DNAH9: variants seen among roughly 807,000 people sequenced by gnomAD.
DNAH9 encodes the protein DNAH9 variant protein.
In DNAH9, 345 loss-of-function variants were observed where a neutral mutation model predicts 471.6. The observed-to-expected ratio is 0.73, with a 90% CI of 0.67 to 0.80. The LOEUF is 0.80. DNAH9 is among the 30% of genes least tolerant of loss of function. DNAH9 has a pLI of 0.00. For synonymous variants in DNAH9, 2,093 were observed against 2,123.6 expected (o/e 0.99, Z 0.40); for missense variants, 5,407 against 5,609.2 (o/e 0.96, Z 1.15).
intron 57 of DNAH9, among the ~76,000 whole-genome samples, chr17:11,889,291 G>A (rs1427779340): frequency 3.3e-5 from 5 of 152,200 alleles, no homozygotes; most frequent in Non-Finnish European, 5.9e-5. Flanking sequence ...GTCTCAAATC[G>A]GAAGCCCAAG....
At chr17:11,732,571 A>G (rs1266659190) in intron 28 of DNAH9, among the ~76,000 whole-genome samples, 1 of 151,984 alleles carries the variant, frequency 6.6e-6, no homozygotes, top group Non-Finnish European at 1.5e-5. Flanking sequence ...TTGTCAGTGG[A>G]CATTCTCATG....
intron 1 of DNAH9, among the ~76,000 whole-genome samples, chr17:11,600,438 C>G (rs928367182): frequency 6.6e-6 from 1 of 152,112 alleles, no homozygotes; most frequent in Non-Finnish European, 1.5e-5. Flanking sequence ...ACAGAAGGCC[C>G]ATCTCAGAGT....
At position 11,909,158 on chromosome 17, in the gene DNAH9, T is replaced by C. The variant is rs535310016; in HGVS notation, c.11749+3349T>C. 4.1e-4 allele frequency among the ~76,000 whole-genome samples: 63 copies of C among 152,350 alleles called. 1 individual carries two copies. In the South Asian group the frequency reaches 0.01, roughly 25 times the overall value. ...CTACTTGAAACTATATAATATGTTA[T>C]TGTCAACTATAGTCTTGATGCTCTG... On this transcript the variant is annotated intron_variant, in intron 61 of 68. Coordinates refer to ENST00000262442, the MANE Select transcript of DNAH9 (RefSeq NM_001372.4).
intron 61 of DNAH9, among the ~76,000 whole-genome samples, chr17:11,918,148 G>A (rs1974014384): frequency 6.6e-6 from 1 of 151,980 alleles, no homozygotes; most frequent in South Asian, 2.1e-4. Flanking sequence ...CTTTGCTTTG[G>A]GTCTTGTTTT....
chr17:11,819,382 TTAACA>T (rs1970228250), intron 45 of DNAH9, among the ~76,000 whole-genome samples: 1 of 152,226 alleles, frequency 6.6e-6, no homozygotes. Context: ...TTGAATTATC[TTAACA>T]TAACTTATTA....
At chr17:11,711,003 A>T (rs556531600) in intron 26 of DNAH9, among the ~76,000 whole-genome samples, 1 of 152,248 alleles carries the variant, frequency 6.6e-6, no homozygotes, top group Non-Finnish European at 1.5e-5. Context: ...GCTTCTTCTG[A>T]ATGTTGACTT....
At chr17:11,931,582 T>C (rs181718157) in intron 63 of DNAH9, among the ~76,000 whole-genome samples, 22 of 152,236 alleles carry the variant, frequency 1.4e-4, no homozygotes, top group Non-Finnish European at 2.8e-4. Flanking sequence ...TTTTCCCAGC[T>C]TAACTCCCAG....
intron 45 of DNAH9, among the ~76,000 whole-genome samples, chr17:11,813,789 G>A (rs995044741): frequency 6.6e-6 from 1 of 152,090 alleles, no homozygotes; most frequent in African/African-American, 2.4e-5. Context: ...CTTCTGACAC[G>A]AACTACAGCA....
chr17:11,821,830 C>CTG (rs1970318438), intron 45 of DNAH9, 90 bp from the exon 46 acceptor site: 1 of 1,452,894 alleles, frequency 6.9e-7, no homozygotes, highest in Admixed American at 2.1e-5. Context: ...AACCACTGAC[C>CTG]TGTGTCCTAA....
At chr17:11,865,476 G>A (rs1005519127) in intron 50 of DNAH9, among the ~76,000 whole-genome samples, 20 of 152,100 alleles carry the variant, frequency 1.3e-4, no homozygotes, top group South Asian at 4.2e-4. Context: ...TTCAACTTTC[G>A]TGAATCTGAC....
intron 27 of DNAH9, among the ~76,000 whole-genome samples, chr17:11,726,723 C>T (rs2075158929): frequency 6.6e-6 from 1 of 152,134 alleles, no homozygotes; most frequent in Admixed American, 6.5e-5. Context: ...ATGTCCAGCA[C>T]ATGATCGGTG....
In DNAH9 at chr17:11,881,200, A is replaced by G. The variant is rs771121911; in HGVS notation, c.10602-9A>G. 5.0e-6 allele frequency: 8 copies of G among 1,614,058 alleles called. No individual in the cohort carries two copies. Among genetic ancestry groups the G allele is most frequent in the Non-Finnish European group, 6.8e-6 (8 of 1,180,042 alleles). ...GCACCTTACCTTCACATGAGCCTTT[A>G]TGTTCCAGATTCATTAAAATTGGAG... On this transcript the variant is annotated splice_polypyrimidine_tract_variant and intron_variant, in intron 54 of 68. Coordinates refer to ENST00000262442, the MANE Select transcript of DNAH9 (RefSeq NM_001372.4).
Position 11,653,012 on chromosome 17 carries a change from C to T in DNAH9, c.2595+10C>T. On this transcript the variant is annotated intron_variant, in intron 14 of 68. Transcript: ENST00000262442. The stretch of plus-strand genomic sequence containing the variant: ...CCACGCCCTTGTTCAGGTAATAACC[C>T]AGCCACTCAGGCGCACATACTACGA... The T allele has an allele frequency of 1.2e-6, 2 of 1,612,720 alleles. No individual in the cohort carries two copies. Among genetic ancestry groups the T allele is most frequent in the Non-Finnish European group, 1.7e-6 (2 of 1,179,682 alleles).
chr17:11,923,314 TG>T (rs1189875874), intron 61 of DNAH9, among the ~76,000 whole-genome samples: 1 of 151,382 alleles, frequency 6.6e-6, no homozygotes, highest in Non-Finnish European at 1.5e-5. Flanking sequence ...TGACCTCAGG[TG>T]ATCCACCTGC....
intron 28 of DNAH9, among the ~76,000 whole-genome samples, chr17:11,730,796 T>C (rs1269977350): frequency 6.6e-6 from 1 of 152,122 alleles, no homozygotes; most frequent in African/African-American, 2.4e-5. Context: ...GTGATGATGG[T>C]AGTGGTGATG....
intron 26 of DNAH9, among the ~76,000 whole-genome samples, chr17:11,712,957 A>G (rs2074899120): frequency 2.0e-5 from 3 of 152,110 alleles, no homozygotes; most frequent in South Asian, 2.1e-4. Context: ...TTACAGAGGT[A>G]AACTCATGAC....
At chr17:11,652,609 G>T (rs1213648559) in intron 13 of DNAH9, 152 bp from the exon 14 acceptor site, 1 of 758,686 alleles carries the variant, frequency 1.3e-6, no homozygotes. Flanking sequence ...AATACAACTA[G>T]GAGGGAGAAT....
At position 11,841,545 on chromosome 17, in the gene DNAH9, G is replaced by C. The variant is rs962613387; in HGVS notation, c.9507+6647G>C. 1.3e-4 allele frequency among the ~76,000 whole-genome samples: 20 copies of C among 152,112 alleles called. 1 individual carries two copies. Among genetic ancestry groups the C allele is most frequent in the Non-Finnish European group, 4.4e-5 (3 of 68,026 alleles). ...TTTACATAAGATAATATAAACATAG[G>C]GCAGAGGAAGCAATCAGACATGTAT... is the stretch of plus-strand genomic sequence containing the variant. On this transcript the variant is annotated intron_variant, in intron 49 of 68. Transcript: ENST00000262442.
intron 57 of DNAH9, among the ~76,000 whole-genome samples, chr17:11,891,204 A>G (rs1973039041): frequency 6.6e-6 from 1 of 152,218 alleles, no homozygotes; most frequent in Non-Finnish European, 1.5e-5. Flanking sequence ...TCCATGAGAA[A>G]GGAGGCTGCT....
Sources: allele counts gnomAD v4.1 joint callset (sites outside exome capture counted in the v4.1 genomes callset), GRCh38; gene constraint gnomAD v4.1.1; transcripts MANE v1.5; gene names NCBI Gene and HGNC (gene_info 2026-07-23, HGNC 2026-07-21).